PCLO: variants seen among roughly 807,000 people sequenced by gnomAD.
The protein encoded by PCLO is protein piccolo.
Under a neutral mutation model 427.5 loss-of-function variants are expected in PCLO, and 82 were observed. That is an observed-to-expected ratio of 0.19 (90% CI 0.16 to 0.23). The LOEUF is 0.23. Ranked by LOEUF, PCLO falls within the 10% of genes least tolerant of loss-of-function variation. The pLI, the probability that PCLO is intolerant of heterozygous loss-of-function variation, is 1.00. For synonymous variants in PCLO, 2,357 were observed against 2,155.4 expected (o/e 1.09, Z -2.59); for missense variants, 6,239 against 6,115.9 (o/e 1.02, Z -0.67).
intron 10 of PCLO, among the ~76,000 whole-genome samples, chr7:82,876,416 T>C (rs754262874): frequency 4.0e-5 from 6 of 149,088 alleles, no homozygotes; most frequent in Non-Finnish European, 7.4e-5. Context: ...AAGGATATAG[T>C]GTATAAATTA....
intron 22 of PCLO, among the ~76,000 whole-genome samples, chr7:82,791,855 A>T (rs1281383038): frequency 3.9e-5 from 6 of 152,012 alleles, no homozygotes; most frequent in South Asian, 2.1e-4. Flanking sequence ...AAAAATTTTC[A>T]TTAAAGTAAT....
At chr7:83,076,275 T>TC (rs1458055239) in intron 3 of PCLO, among the ~76,000 whole-genome samples, 1 of 151,930 alleles carries the variant, frequency 6.6e-6, no homozygotes, top group Non-Finnish European at 1.5e-5. Context: ...GCCATTCACT[T>TC]CTTTTTTTTT....
In PCLO at chr7:82,756,359, A is replaced by T. The variant is rs764378824; in HGVS notation, c.*2216T>A. 2 of 152,080 alleles carry T rather than the reference A, an allele frequency of 1.3e-5. No homozygotes were observed. Among genetic ancestry groups the T allele is most frequent in the African/African-American group, 2.4e-5 (1 of 41,414 alleles). The allele number at this position is 152,080 out of a possible 1,614,324, so 9.4% of individuals were successfully genotyped here. On this transcript the variant is annotated 3_prime_UTR_variant, in exon 25 of 25. Coordinates refer to ENST00000333891, the MANE Select transcript of PCLO (RefSeq NM_033026.6). ...CCATCAGCAGATCTAATAGTTTCTA[A>T]AAATAAAATACTAGCAATATAATGT...
chr7:83,017,467 TACTC>T (rs1788236016), intron 3 of PCLO, among the ~76,000 whole-genome samples: 1 of 151,948 alleles, frequency 6.6e-6, no homozygotes, highest in Admixed American at 6.6e-5. Flanking sequence ...ACAGGAGTAA[TACTC>T]AGGACACATT....
At chr7:83,129,930 T>C (rs191554393) in intron 3 of PCLO, among the ~76,000 whole-genome samples, 4 of 152,136 alleles carry the variant, frequency 2.6e-5, no homozygotes, top group Admixed American at 6.6e-5. Context: ...TAATTGCTCA[T>C]TGAATATTTT....
At position 82,902,855 on chromosome 7, in the gene PCLO, TAGG is replaced by T. The variant is rs1297716513; in HGVS notation, c.13438-117_13438-115del. 4 of 610,410 alleles carry T rather than the reference TAGG, an allele frequency of 6.6e-6. No individual in the cohort carries two copies. In the Admixed American group the frequency reaches 1.1e-4, roughly 17 times the overall value. The allele number at this position is 610,410 out of a possible 1,614,324, so 37.8% of individuals were successfully genotyped here. On this transcript the variant is annotated intron_variant, in intron 8 of 24. Transcript: ENST00000333891. ...CATTGATTAAATCAATGGAACGTAGTAGGAGATTCTCACATGATGGCAATTTAA... is the reference window on the plus strand; with the variant it reads ...CATTGATTAAATCAATGGAACGTAGTAGATTCTCACATGATGGCAATTTAA...
rs746942135 is a variant in PCLO at position 82,966,070 on chromosome 7, T to C, written c.3718A>G (p.Lys1240Glu). The C allele has an allele frequency of 6.2e-7, 1 of 1,613,214 alleles. No homozygotes were observed. The highest frequency in any genetic ancestry group is 1.1e-5 in the South Asian group (1 of 90,930). The change falls in exon 4 of 25, where the codon AAG becomes GAG. Residue 1240 changes from lysine to glutamate, a missense_variant. Lys to Glu is a moderately conservative substitution (Grantham distance 56). Coordinates refer to ENST00000333891, the MANE Select transcript of PCLO (RefSeq NM_033026.6). The part of the protein sequence containing the change: ...EEKKPLLEEK[K>E]PTPEDKKLLP... ...AGCTTTTTGTCTTCAGGGGTTGGCTTTTTTTCTTCTAGGAGTGGCTTTTTT... is the reference window on the plus strand; with the variant it reads ...AGCTTTTTGTCTTCAGGGGTTGGCTCTTTTTCTTCTAGGAGTGGCTTTTTT...
At chr7:82,901,716 A>G (rs1163284213) in intron 9 of PCLO, among the ~76,000 whole-genome samples, 5 of 152,146 alleles carry the variant, frequency 3.3e-5, no homozygotes, top group Non-Finnish European at 7.4e-5. Flanking sequence ...AACGAACTCA[A>G]ACAAATTTAC....
intron 3 of PCLO, among the ~76,000 whole-genome samples, chr7:82,990,852 CA>C (rs1427077974): frequency 1.3e-5 from 2 of 151,910 alleles, no homozygotes; most frequent in African/African-American, 4.8e-5. Context: ...ATAAAATAGG[CA>C]AATAAGATCA....
At chr7:83,090,990 G>T (rs146580690) in intron 3 of PCLO, among the ~76,000 whole-genome samples, 1 of 152,178 alleles carries the variant, frequency 6.6e-6, no homozygotes, top group South Asian at 2.1e-4. Flanking sequence ...AACACAGTTT[G>T]TATATAATGT....
intron 20 of PCLO, chr7:82,821,584 G>A (rs1229257896): frequency 1.0e-6 from 1 of 972,050 alleles, no homozygotes; most frequent in Non-Finnish European, 1.2e-6. Context: ...CACATATTAA[G>A]TTTTTATATA....
At chr7:83,075,609 A>G (rs1789932020) in intron 3 of PCLO, among the ~76,000 whole-genome samples, 2 of 152,286 alleles carry the variant, frequency 1.3e-5, no homozygotes, top group Admixed American at 1.3e-4. Flanking sequence ...TTACTTTGAA[A>G]TAGTCCCTAG....
At chr7:83,107,841 T>C (rs1159791167) in intron 3 of PCLO, among the ~76,000 whole-genome samples, 1 of 151,190 alleles carries the variant, frequency 6.6e-6, no homozygotes, top group Non-Finnish European at 1.5e-5. Context: ...ACACGAAAAT[T>C]AGCTGGGCAT....
In PCLO at chr7:82,820,745, T is replaced by C. The variant is rs1584009436; in HGVS notation, c.14791+1750A>G. Reference sequence around the variant, plus strand: ...AAACACTGATCCACATTCCAACTGGTAGGCTAACTTGAACTGTGAGCAATT... The same window carrying C: ...AAACACTGATCCACATTCCAACTGGCAGGCTAACTTGAACTGTGAGCAATT... On this transcript the variant is annotated intron_variant, in intron 20 of 24. Coordinates refer to ENST00000333891, the MANE Select transcript of PCLO (RefSeq NM_033026.6). 4 of 1,231,476 alleles carry C rather than the reference T, an allele frequency of 3.2e-6. No homozygotes were observed. In the East Asian group the frequency reaches 9.5e-5, roughly 29 times the overall value. 76.3% of individuals were successfully genotyped at this position (1,231,476 alleles called of 1,614,324 possible).
intron 22 of PCLO, among the ~76,000 whole-genome samples, chr7:82,779,898 T>G (rs1230096904): frequency 6.6e-6 from 1 of 152,064 alleles, no homozygotes; most frequent in African/African-American, 2.4e-5. Flanking sequence ...GACAATAGTA[T>G]GGGTAAGGGA....
intron 2 of PCLO, among the ~76,000 whole-genome samples, chr7:83,151,967 T>C (rs1433730695): frequency 6.6e-6 from 1 of 152,030 alleles, no homozygotes; most frequent in Non-Finnish European, 1.5e-5. Flanking sequence ...AACTTACTTT[T>C]TTTTTTTTTT....
At chr7:82,998,284 A>G (rs1787682219) in intron 3 of PCLO, among the ~76,000 whole-genome samples, 1 of 151,926 alleles carries the variant, frequency 6.6e-6, no homozygotes, top group Admixed American at 6.6e-5. Context: ...TTCACAGTAA[A>G]TATTTGGGGA....
chr7:83,004,442 G>C (rs1014008418), intron 3 of PCLO, among the ~76,000 whole-genome samples: 32 of 150,518 alleles, frequency 2.1e-4, no homozygotes, highest in Admixed American at 2.0e-3. Context: ...TGGGGAAACT[G>C]GATATCCACA....
chr7:82,976,640 A>G (rs1011021541), intron 3 of PCLO, among the ~76,000 whole-genome samples: 4 of 152,158 alleles, frequency 2.6e-5, no homozygotes, highest in Admixed American at 2.0e-4. Context: ...AGTGCATTTT[A>G]CTGGAATTTA....
Sources: allele counts gnomAD v4.1 joint callset (sites outside exome capture counted in the v4.1 genomes callset), GRCh38; gene constraint gnomAD v4.1.1; transcripts MANE v1.5; gene names NCBI Gene and HGNC (gene_info 2026-07-23, HGNC 2026-07-21).